The following TASP1 variants were observed in gnomAD, a reference collection of about 807,000 sequenced individuals.
TASP1 encodes taspase 1, also known as threonine aspartase 1.
A neutral mutation model predicts 56.6 loss-of-function variants in TASP1; 16 were observed. That is an observed-to-expected ratio of 0.28 (90% confidence interval 0.19 to 0.43). TASP1 has a LOEUF of 0.43. Among genes scored for constraint, TASP1 ranks in the 20% least tolerant of loss-of-function variants. TASP1 has a pLI of 1.00. For missense variants in TASP1, 393 were observed against 511.6 expected, an observed-to-expected ratio of 0.77 and a Z score of 2.24; for synonymous variants, 179 against 184.2, an observed-to-expected ratio of 0.97 and a Z score of 0.23.
the TASP1 span, among the ~76,000 whole-genome samples, chr20:13,343,121 T>G: frequency 6.6e-6 from 1 of 152,144 alleles, no homozygotes; most frequent in Admixed American, 6.5e-5. Flanking sequence ...CTCTCTGACC[T>G]CAGGCAGAGC....
At chr20:13,333,542 C>T in the TASP1 span, among the ~76,000 whole-genome samples, 1 of 152,018 alleles carries the variant, frequency 6.6e-6, no homozygotes, top group Non-Finnish European at 1.5e-5. Flanking sequence ...TTCCACCTGC[C>T]ACAAACTCTT....
chr20:13,365,970 A>G, the TASP1 span, among the ~76,000 whole-genome samples: 2 of 152,172 alleles, frequency 1.3e-5, no homozygotes, highest in Non-Finnish European at 1.5e-5. Context: ...GAGATTCAGG[A>G]TATGTTTGCA....
chr20:13,588,407 A>T (rs934639186), intron 4 of TASP1, among the ~76,000 whole-genome samples: 1 of 152,164 alleles, frequency 6.6e-6, no homozygotes, highest in African/African-American at 2.4e-5. Context: ...TCAAGATAAC[A>T]TGACGCTGTA....
At chr20:13,480,198 G>C (rs900135718) in intron 11 of TASP1, among the ~76,000 whole-genome samples, 1 of 152,168 alleles carries the variant, frequency 6.6e-6, no homozygotes, top group Non-Finnish European at 1.5e-5. Context: ...AAAGCATTTA[G>C]AAACTGCCTC....
the TASP1 span, among the ~76,000 whole-genome samples, chr20:13,363,919 C>G: frequency 2.6e-5 from 4 of 152,206 alleles, no homozygotes; most frequent in East Asian, 7.7e-4. Context: ...GGAAATGTCT[C>G]CAGCCCATCA....
chr20:13,537,803 CAATA>C (rs1255661453), intron 8 of TASP1, among the ~76,000 whole-genome samples: 4 of 152,094 alleles, frequency 2.6e-5, no homozygotes, highest in South Asian at 4.2e-4. Flanking sequence ...TTGAAGTAAC[CAATA>C]AATAAGCAGT....
intron 4 of TASP1, among the ~76,000 whole-genome samples, chr20:13,609,974 C>T (rs913329981): frequency 2.0e-5 from 3 of 152,144 alleles, no homozygotes; most frequent in Admixed American, 1.3e-4. Flanking sequence ...TGTGAACAAA[C>T]TTTAAAAACA....
rs1480354548 is a variant in TASP1 at position 13,563,858 on chromosome 20, T to C, written c.569-4744A>G. 2.0e-5 allele frequency among the ~76,000 whole-genome samples: 3 copies of C among 151,974 alleles called. No homozygotes were observed. The East Asian group carries it at 5.8e-4, about 29-fold the overall frequency. ...TGTTATAAAATTCAAAATTCTTTCATAGTAAAAACACCAAACCAGAAATAG... is the reference window on the plus strand; with the variant it reads ...TGTTATAAAATTCAAAATTCTTTCACAGTAAAAACACCAAACCAGAAATAG... On this transcript the variant is annotated intron_variant, in intron 7 of 13. Transcript: ENST00000337743.
intron 8 of TASP1, among the ~76,000 whole-genome samples, chr20:13,535,131 T>C (rs1274557285): frequency 1.3e-5 from 2 of 152,194 alleles, no homozygotes. Flanking sequence ...CTCCTCATCC[T>C]GTGTGATTTA....
chr20:13,137,439 A>C, the TASP1 span, among the ~76,000 whole-genome samples: 1 of 152,014 alleles, frequency 6.6e-6, no homozygotes, highest in Non-Finnish European at 1.5e-5. Flanking sequence ...GAAGTGATGG[A>C]TTTTTTATTC....
the TASP1 span, among the ~76,000 whole-genome samples, chr20:13,148,302 G>A: frequency 6.6e-6 from 1 of 152,118 alleles, no homozygotes; most frequent in South Asian, 2.1e-4. Context: ...AGTATTTGTG[G>A]CCTCCGTTAA....
chr20:13,617,116 G>A, intron 4 of TASP1: 1 of 451,548 alleles, frequency 2.2e-6, no homozygotes, highest in Non-Finnish European at 4.4e-6. Flanking sequence ...GTAACTGTGT[G>A]TGTACACCTC....
the TASP1 span, among the ~76,000 whole-genome samples, chr20:13,306,564 C>CAAAAAAAAAAAAAAAAAAAAG: frequency 1.6e-5 from 1 of 63,912 alleles, no homozygotes; most frequent in African/African-American, 7.2e-5. Context: ...GGAGAAAGGA[C>CAAAAAAAAAAAAAAAAAAAAG]AAAAAAAAAA....
chr20:13,295,803 G>T, the TASP1 span, among the ~76,000 whole-genome samples: 3 of 152,176 alleles, frequency 2.0e-5, no homozygotes, highest in African/African-American at 7.2e-5. Context: ...CCCCTACCAC[G>T]CTCAGTCATT....
At chr20:13,399,664 TTA>T (rs151107324) in intron 13 of TASP1, among the ~76,000 whole-genome samples, 1,640 of 152,322 alleles carry the variant, frequency 0.011, 31 homozygotes, top group African/African-American at 0.037. Context: ...CAAGTCATTA[TTA>T]TCACTCACCT....
chr20:13,158,632 A>T, the TASP1 span, among the ~76,000 whole-genome samples: 1 of 152,188 alleles, frequency 6.6e-6, no homozygotes, highest in Non-Finnish European at 1.5e-5. Context: ...GAGAAAGAAC[A>T]GCCTCTGTTT....
chr20:13,248,462 G>C, the TASP1 span, among the ~76,000 whole-genome samples: 3 of 152,250 alleles, frequency 2.0e-5, no homozygotes, highest in Non-Finnish European at 1.5e-5. Flanking sequence ...CTGACATACT[G>C]CTTCAAGATC....
chr20:13,518,011 T>A (rs1321977429), intron 10 of TASP1, among the ~76,000 whole-genome samples: 4 of 152,126 alleles, frequency 2.6e-5, no homozygotes, highest in African/African-American at 7.2e-5. Context: ...GCTTTTAAGA[T>A]GACAATGTTT....
the TASP1 span, among the ~76,000 whole-genome samples, chr20:13,317,321 A>G: frequency 6.6e-6 from 1 of 151,992 alleles, no homozygotes; most frequent in Admixed American, 6.6e-5. Context: ...ATTGAGAGAT[A>G]CTCCATGTTA....
Sources: gnomAD v4.1 joint callset for allele counts (sites outside exome capture counted in the v4.1 genomes callset) on GRCh38, gnomAD v4.1.1 for gene constraint, MANE v1.5 for transcripts, NCBI Gene and HGNC (gene_info 2026-07-23, HGNC 2026-07-21) for gene names.